TENM2: variants seen among roughly 807,000 people sequenced by gnomAD.
TENM2 encodes teneurin-2.
Under a neutral mutation model 245.2 loss-of-function variants are expected in TENM2, and 52 were observed. That is an observed-to-expected ratio of 0.21 (90% CI 0.17 to 0.27). The LOEUF (loss-of-function observed/expected upper bound fraction) is 0.27. TENM2 is among the 10% of genes least tolerant of loss of function. The probability of loss-of-function intolerance (pLI) is 1.00; values close to 1 mark genes in which losing one functional copy is unlikely to be tolerated. For missense variants in TENM2, 3,046 were observed against 3,666.8 expected, an observed-to-expected ratio of 0.83 and a Z score of 4.37; for synonymous variants, 1,363 against 1,438.9, an observed-to-expected ratio of 0.95 and a Z score of 1.19.
chr5:167,014,908 C>T, the TENM2 span, among the ~76,000 whole-genome samples: 1 of 152,168 alleles, frequency 6.6e-6, no homozygotes, highest in Non-Finnish European at 1.5e-5. Context: ...CTAAATTAAT[C>T]CCCCTTTAAA....
chr5:167,563,791 T>C (rs1773737599), intron 2 of TENM2, among the ~76,000 whole-genome samples: 1 of 152,200 alleles, frequency 6.6e-6, no homozygotes, highest in Non-Finnish European at 1.5e-5. Context: ...TACTTATCAT[T>C]GTGTTATAAT....
chr5:167,352,495 T>C (rs1446299772), intron 1 of TENM2, among the ~76,000 whole-genome samples: 1 of 152,202 alleles, frequency 6.6e-6, no homozygotes, highest in African/African-American at 2.4e-5. Flanking sequence ...CACGTGATCC[T>C]CCCCTTTTTG....
At chr5:167,276,065 G>A in the TENM2 span, among the ~76,000 whole-genome samples, 30 of 151,978 alleles carry the variant, frequency 2.0e-4, no homozygotes, top group Non-Finnish European at 3.7e-4. Context: ...TTCATGGTGT[G>A]TAATTGTGTT....
chr5:167,054,415 C>T, the TENM2 span, among the ~76,000 whole-genome samples: 1 of 152,122 alleles, frequency 6.6e-6, no homozygotes, highest in Non-Finnish European at 1.5e-5. Flanking sequence ...GGATATAATA[C>T]AGTTTATTCA....
chr5:167,805,957 C>T (rs530897373), intron 2 of TENM2, among the ~76,000 whole-genome samples: 2 of 152,236 alleles, frequency 1.3e-5, no homozygotes, highest in South Asian at 4.1e-4. Flanking sequence ...CCACTTATTA[C>T]ATTCAGTGAG....
chr5:168,191,919 C>T (rs950250688), intron 14 of TENM2, among the ~76,000 whole-genome samples: 5 of 152,056 alleles, frequency 3.3e-5, no homozygotes, highest in Non-Finnish European at 5.9e-5. Flanking sequence ...TCCTGCAGCT[C>T]TTTTGAATAT....
chr5:167,177,703 G>A, the TENM2 span, among the ~76,000 whole-genome samples: 1 of 152,184 alleles, frequency 6.6e-6, no homozygotes, highest in Admixed American at 6.5e-5. Flanking sequence ...TCGTGTCAGG[G>A]AAAGCAGTTG....
intron 2 of TENM2, among the ~76,000 whole-genome samples, chr5:167,523,474 A>G (rs1283794997): frequency 4.6e-5 from 7 of 152,142 alleles, no homozygotes; most frequent in East Asian, 1.9e-4. Context: ...CAGTGAGCCA[A>G]CGTCAAATAT....
At chr5:168,238,222 A>AGAAGAAAAGAAAAG (rs1765723119) in intron 25 of TENM2, among the ~76,000 whole-genome samples, 4 of 37,862 alleles carry the variant, frequency 1.1e-4, no homozygotes, top group Admixed American at 7.6e-4. Context: ...AGGGAGAGAG[A>AGAAGAAAAGAAAAG]AGAAAAGAAA....
the TENM2 span, among the ~76,000 whole-genome samples, chr5:166,996,385 AC>A: frequency 6.6e-6 from 1 of 152,136 alleles, no homozygotes; most frequent in Non-Finnish European, 1.5e-5. Context: ...AATCAAACAA[AC>A]GAAAAACAAT....
chr5:167,292,984 A>T (rs950426250), intron 1 of TENM2, among the ~76,000 whole-genome samples: 1 of 152,160 alleles, frequency 6.6e-6, no homozygotes, highest in Non-Finnish European at 1.5e-5. Context: ...TGTTCCAAGG[A>T]TGTCAAAGAA....
intron 2 of TENM2, among the ~76,000 whole-genome samples, chr5:167,711,248 C>T (rs1028816328): frequency 2.6e-5 from 4 of 152,282 alleles, no homozygotes; most frequent in Admixed American, 1.3e-4. Context: ...ATGAAATTAG[C>T]CAGGCTAGGT....
At chr5:167,623,235 T>C (rs1346359906) in intron 2 of TENM2, among the ~76,000 whole-genome samples, 3 of 152,174 alleles carry the variant, frequency 2.0e-5, no homozygotes, top group Non-Finnish European at 4.4e-5. Context: ...GCATTTGTTT[T>C]ATTTTCTAAT....
At chr5:167,342,507 CTTTTTTTTTTTTTTTTTTTTT>C (rs35451881) in intron 1 of TENM2, among the ~76,000 whole-genome samples, 1 of 54,278 alleles carries the variant, frequency 1.8e-5, no homozygotes, top group African/African-American at 8.0e-5. Flanking sequence ...TAAAGTTATT[CTTTTTTTTTTTTTTTTTTTTT>C]TTTTTTTTTT....
chr5:167,361,175 G>C (rs1759688130), intron 1 of TENM2, among the ~76,000 whole-genome samples: 1 of 152,050 alleles, frequency 6.6e-6, no homozygotes. Context: ...ACTTATCCAA[G>C]GTTTTTATTT....
At chr5:167,119,910 A>G in the TENM2 span, among the ~76,000 whole-genome samples, 10 of 152,288 alleles carry the variant, frequency 6.6e-5, no homozygotes, top group African/African-American at 2.4e-4. Flanking sequence ...CAGTGTAGAC[A>G]TAGGGTATTT....
At chr5:168,246,998 A>G (rs370240908) in exon 27 of TENM2, 2 of 1,613,832 alleles carry the variant, frequency 1.2e-6, no homozygotes, top group South Asian at 1.1e-5. Flanking sequence ...CAGGTGTTCT[A>G]CAAGTATGGG....
chr5:167,833,567 C>A (rs1293785490), intron 2 of TENM2, among the ~76,000 whole-genome samples: 1 of 152,226 alleles, frequency 6.6e-6, no homozygotes, highest in Non-Finnish European at 1.5e-5. Context: ...CATTGGTTGA[C>A]CCGAACCTTA....
chr5:167,157,569 A>G, the TENM2 span, among the ~76,000 whole-genome samples: 1 of 152,200 alleles, frequency 6.6e-6, no homozygotes, highest in Non-Finnish European at 1.5e-5. Flanking sequence ...AGTTCCCTCC[A>G]GATGTCTGGG....
Sources: allele counts gnomAD v4.1 joint callset (sites outside exome capture counted in the v4.1 genomes callset), GRCh38; gene constraint gnomAD v4.1.1; transcripts MANE v1.5; gene names NCBI Gene and HGNC (gene_info 2026-07-23, HGNC 2026-07-21).